LCOR: variants seen among roughly 807,000 people sequenced by gnomAD.
The protein encoded by LCOR is ligand-dependent corepressor.
LCOR carries 14 observed loss-of-function variants against 64.4 expected under a neutral mutation model. The observed-to-expected ratio is 0.22, with a 90% CI of 0.14 to 0.34. The LOEUF is 0.34. Among genes scored for constraint, LCOR ranks in the 10% least tolerant of loss-of-function variants. The pLI is 1.00. For missense variants in LCOR, 1,686 were observed against 1,765.3 expected (o/e 0.96, Z 0.80); for synonymous variants, 643 against 642.5 (o/e 1.00, Z -0.01).
chr10:96,848,415 T>C (rs987902837), intron 2 of LCOR, among the ~76,000 whole-genome samples: 18 of 152,188 alleles, frequency 1.2e-4, no homozygotes, highest in African/African-American at 4.3e-4. Flanking sequence ...CCCAACACTT[T>C]GGGAGGCCGA....
chr10:96,927,714 C>A (rs1048117889), intron 4 of LCOR, among the ~76,000 whole-genome samples: 17 of 152,160 alleles, frequency 1.1e-4, no homozygotes, highest in African/African-American at 3.9e-4. Flanking sequence ...GTTGAAAAGA[C>A]TGTCTTTTGC....
At chr10:96,954,326 G>A in intron 7 of LCOR, among the ~76,000 whole-genome samples, 1 of 152,010 alleles carries the variant, frequency 6.6e-6, no homozygotes, top group East Asian at 1.9e-4. Context: ...CTCCCTTGGG[G>A]CTGTTAGCCA....
chr10:96,923,476 T>C (rs917962652), intron 4 of LCOR, among the ~76,000 whole-genome samples: 1 of 152,232 alleles, frequency 6.6e-6, no homozygotes, highest in Non-Finnish European at 1.5e-5. Flanking sequence ...GAAACTGCAT[T>C]GTATCCTCTG....
chr10:96,952,788 A>G (rs1490254160), intron 7 of LCOR, among the ~76,000 whole-genome samples: 1 of 152,206 alleles, frequency 6.6e-6, no homozygotes, highest in Non-Finnish European at 1.5e-5. Context: ...TTATAGTATA[A>G]GAACTGTCTT....
intron 4 of LCOR, among the ~76,000 whole-genome samples, chr10:96,911,622 G>A (rs1201446295): frequency 6.6e-6 from 1 of 152,268 alleles, no homozygotes; most frequent in African/African-American, 2.4e-5. Flanking sequence ...AAGAGGGAGG[G>A]AATCCTCAGT....
chr10:96,840,042 GTTGATTCTTGGTTTCTCTGATT>G (rs1845513131), intron 2 of LCOR, among the ~76,000 whole-genome samples: 1 of 152,138 alleles, frequency 6.6e-6, no homozygotes, highest in Non-Finnish European at 1.5e-5. Context: ...TTTGAATTTC[GTTGATTCTTGGTTTCTCTGATT>G]TTTGAATTGG....
intron 2 of LCOR, among the ~76,000 whole-genome samples, chr10:96,873,468 C>A (rs1352151019): frequency 1.3e-5 from 2 of 151,890 alleles, no homozygotes; most frequent in Middle Eastern, 6.8e-3. Context: ...AATTTACATT[C>A]TTTTCTTTAA....
chr10:96,955,436 G>A, intron 7 of LCOR: 3 of 1,614,194 alleles, frequency 1.9e-6, no homozygotes, highest in Non-Finnish European at 2.5e-6. Flanking sequence ...CTGGTGATCA[G>A]TACAGCTATA....
chr10:96,992,072 G>A lies in LCOR; in HGVS notation c.*6938G>A, dbSNP rs1848205512. On this transcript the variant is annotated 3_prime_UTR_variant, in exon 8 of 8. Coordinates refer to ENST00000421806, the MANE Select transcript of LCOR (RefSeq NM_001346516.2). ...TGAGGTATTTGGGAGCTAATTTTTG[G>A]GAAAGAGACTATACCAACAAGATTT... 3 of 152,044 alleles carry A rather than the reference G, an allele frequency of 2.0e-5. No homozygotes were observed. The South Asian group carries it at 6.2e-4, about 32-fold the overall frequency. The allele number at this position is 152,044 out of a possible 1,614,324, so 9.4% of individuals were successfully genotyped here. A position where few individuals can be genotyped will look rare whatever the true frequency, so the allele number is the denominator to read the frequency against.
chr10:96,955,975 A>G (rs2134534769), intron 7 of LCOR: 3 of 1,552,228 alleles, frequency 1.9e-6, no homozygotes, highest in Non-Finnish European at 2.6e-6. Context: ...CTACTGCATC[A>G]TTGTTCAGCT....
intron 7 of LCOR, among the ~76,000 whole-genome samples, chr10:96,967,339 C>T (rs1767020766): frequency 6.6e-6 from 1 of 152,160 alleles, no homozygotes; most frequent in South Asian, 2.1e-4. Context: ...CCATGGTTGG[C>T]CTGCCTGTTT....
At chr10:96,965,234 C>T (rs568440435) in intron 7 of LCOR, among the ~76,000 whole-genome samples, 2 of 151,152 alleles carry the variant, frequency 1.3e-5, no homozygotes, top group South Asian at 4.3e-4. Flanking sequence ...TGGTCTTGAT[C>T]GCCTGACCTC....
intron 7 of LCOR, among the ~76,000 whole-genome samples, chr10:96,973,575 A>G (rs1224487464): frequency 6.6e-6 from 1 of 152,200 alleles, no homozygotes; most frequent in Non-Finnish European, 1.5e-5. Context: ...ATTGTCTGGC[A>G]AAAAATATAA....
chr10:96,928,749 G>A lies in LCOR; in HGVS notation c.-183-15364G>A, dbSNP rs926094775. 2.6e-5 allele frequency among the ~76,000 whole-genome samples: 4 copies of A among 152,240 alleles called. No homozygotes were observed. The East Asian group carries it at 7.7e-4, about 29-fold the overall frequency. On this transcript the variant is annotated intron_variant, in intron 4 of 7. Coordinates refer to ENST00000421806, the MANE Select transcript of LCOR (RefSeq NM_001346516.2). ...TCCTTCAGAGGAATCACCAGCTATG[G>A]CAGCTATAACCTTGCGAAATGTATT...
intron 2 of LCOR, among the ~76,000 whole-genome samples, chr10:96,897,101 C>CAAAAAA (rs370380714): frequency 2.5e-5 from 2 of 78,856 alleles, no homozygotes; most frequent in African/African-American, 4.1e-5. Flanking sequence ...GAAAGAAAAG[C>CAAAAAA]AAAAAAAAAA....
At chr10:96,875,855 G>A (rs1477941129) in intron 2 of LCOR, among the ~76,000 whole-genome samples, 2 of 151,976 alleles carry the variant, frequency 1.3e-5, no homozygotes, top group Non-Finnish European at 2.9e-5. Context: ...AACAAAGAGA[G>A]ACCCTGTCTC....
intron 2 of LCOR, among the ~76,000 whole-genome samples, chr10:96,885,481 T>A (rs923957125): frequency 2.4e-4 from 37 of 151,592 alleles, no homozygotes; most frequent in African/African-American, 8.2e-4. Context: ...TCCCAGGCCC[T>A]AGCGACCCTC....
chr10:96,864,245 A>G (rs1408807166), intron 2 of LCOR, among the ~76,000 whole-genome samples: 5 of 152,230 alleles, frequency 3.3e-5, no homozygotes, highest in East Asian at 1.9e-4. Context: ...GGACAGTCCA[A>G]CATTCTGAGA....
At chr10:96,885,718 T>G (rs751455436) in intron 2 of LCOR, among the ~76,000 whole-genome samples, 3 of 151,358 alleles carry the variant, frequency 2.0e-5, no homozygotes, top group Non-Finnish European at 4.4e-5. Context: ...AAAAAGGATT[T>G]CAGTTAAGAA....
Sources: gnomAD v4.1 joint callset for allele counts (sites outside exome capture counted in the v4.1 genomes callset) on GRCh38, gnomAD v4.1.1 for gene constraint, MANE v1.5 for transcripts, NCBI Gene and HGNC (gene_info 2026-07-23, HGNC 2026-07-21) for gene names.